Variants in CFB observed in about 807,000 individuals in gnomAD.
The protein encoded by CFB is B-factor, properdin.
A neutral mutation model predicts 97.2 loss-of-function variants in CFB; 59 were observed. The observed-to-expected ratio is 0.61, with a 90% CI of 0.49 to 0.75. The LOEUF (loss-of-function observed/expected upper bound fraction) is 0.75. Among genes scored for constraint, CFB ranks in the 30% least tolerant of loss-of-function variants. The pLI, the probability that CFB is intolerant of heterozygous loss-of-function variation, is 0.00. For missense variants in CFB, 771 were observed against 959.8 expected (o/e 0.80, Z 2.60); for synonymous variants, 316 against 351.7 (o/e 0.90, Z 1.14).
Position 31,948,512 on chromosome 6 carries a change from G to C in CFB, c.1036G>C (p.Asp346His). The C allele has an allele frequency of 6.2e-7, 1 of 1,614,148 alleles. No individual in the cohort carries two copies. Among genetic ancestry groups the C allele is most frequent in the Non-Finnish European group, 8.5e-7 (1 of 1,180,042 alleles). Residue 346 changes from aspartate to histidine, a missense_variant and splice_region_variant, in exon 7 of 18, where the codon GAC (aspartate) becomes CAC (histidine). By Grantham distance (81) the Asp-to-His change is moderately conservative. Transcript: ENST00000425368. ...GCAGCTCAATGAAATCAATTATGAAGGTCAGAGGTTAGGGAATGGTGGGAG... is the reference window on the plus strand; with the variant it reads ...GCAGCTCAATGAAATCAATTATGAACGTCAGAGGTTAGGGAATGGTGGGAG... The part of the protein sequence containing the change: ...TKQLNEINYE[D>H]HKLKSGTNTK...
Position 31,951,903 on chromosome 6 carries a change from A to T in CFB, c.2168A>T (p.Asp723Val). 6.2e-7 allele frequency: 1 copy of T among 1,613,114 alleles called. No homozygotes were observed. Among genetic ancestry groups the T allele is most frequent in the Non-Finnish European group, 8.5e-7 (1 of 1,180,024 alleles). The part of the protein sequence containing the change: ...QVGVISWGVV[D>V]VCKNQKRQKQ... ...GGTGTAATCAGCTGGGGAGTAGTGG[A>T]TGTCTGCAAAAACCAGAAGCGGCAA... Residue 723 changes from aspartate (D) to valine (V), a missense_variant, in exon 18 of 18, where the codon GAT becomes GTT. Coordinates refer to ENST00000425368, the MANE Select transcript of CFB (RefSeq NM_001710.6). The surrounding 1 kb of genome is among the most constrained non-coding windows in gnomAD (Gnocchi z 4.3).
At chr6:31,948,546 T>C in intron 7 of CFB, 34 bp downstream of exon 7, 8 of 1,613,500 alleles carry the variant, frequency 5.0e-6, no homozygotes, top group Non-Finnish European at 6.8e-6. Context: ...AGGTTCACTT[T>C]GGGGTCAGGA....
At chr6:31,949,861 G>C (rs973573691) in intron 10 of CFB, 189 bp from the exon 11 acceptor site, 3 of 722,980 alleles carry the variant, frequency 4.1e-6, no homozygotes, top group Non-Finnish European at 7.2e-6. Context: ...GCCTCTGACA[G>C]CTTGATCCCA....
rs558955656 is a variant in CFB at position 31,947,925 on chromosome 6, G to A, written c.761-20G>A. On this transcript the variant is annotated intron_variant, in intron 5 of 17. Coordinates refer to ENST00000425368, the MANE Select transcript of CFB (RefSeq NM_001710.6). This position sits in a 1 kb window ranked among gnomAD's most constrained non-coding sequence, Gnocchi z 5.3. ...CAGAACTGTTAATGCTGGAGCCTGA[G>A]CCACTCTCCTGGCACCCAGGGGAAC... 6.2e-6 allele frequency: 10 copies of A among 1,614,222 alleles called. No homozygotes were observed. The Admixed American group carries it at 1.5e-4, about 24-fold the overall frequency.
In CFB at chr6:31,946,432, G is replaced by A. The variant is rs1252302409; in HGVS notation, c.124G>A (p.Val42Ile). ...CCAGGGATCCTGCTCTCTGGAGGGG[G>A]TAGAGATCAAAGGCGGCTCCTTCCG... ...RPQGSCSLEG[V>I]EIKGGSFRLL... Residue 42 changes from valine to isoleucine, a missense_variant, in exon 2 of 18, where the codon GTA becomes ATA. Coordinates refer to ENST00000425368, the MANE Select transcript of CFB (RefSeq NM_001710.6). The surrounding 1 kb of genome is among the most constrained non-coding windows in gnomAD (Gnocchi z 6.4). 1.2e-6 allele frequency: 2 copies of A among 1,613,080 alleles called. No individual in the cohort carries two copies. Among genetic ancestry groups the A allele is most frequent in the Non-Finnish European group, 1.7e-6 (2 of 1,180,036 alleles).
rs1394201022 is a variant in CFB, at chr6:31,946,507, T to C, written c.199T>C (p.Tyr67His). ...ALEYVCPSGFYPYPVQTRTCR... is the reference protein window; with the variant it reads ...ALEYVCPSGFHPYPVQTRTCR... ...GGAGTACGTGTGTCCTTCTGGCTTC[T>C]ACCCGTACCCTGTGCAGACACGTAC... The change falls in exon 2 of 18, where the codon TAC becomes CAC. Residue 67 changes from tyrosine to histidine, a missense_variant. Tyr to His is a moderately conservative substitution (Grantham distance 83). Transcript: ENST00000425368. This position sits in a 1 kb window ranked among gnomAD's most constrained non-coding sequence, Gnocchi z 6.4. 1.2e-6 allele frequency: 2 copies of C among 1,613,070 alleles called. No individual in the cohort carries two copies. Among genetic ancestry groups the C allele is most frequent in the Non-Finnish European group, 1.7e-6 (2 of 1,180,038 alleles).
Position 31,948,530 on chromosome 6 carries a change from G to C in CFB, c.1036+18G>C. 3 of 1,613,950 alleles carry C rather than the reference G, an allele frequency of 1.9e-6. No homozygotes were observed. Among genetic ancestry groups the C allele is most frequent in the Non-Finnish European group, 2.5e-6 (3 of 1,180,040 alleles). On this transcript the variant is annotated intron_variant, in intron 7 of 17. Coordinates refer to ENST00000425368, the MANE Select transcript of CFB (RefSeq NM_001710.6). ...TTATGAAGGTCAGAGGTTAGGGAAT[G>C]GTGGGAGGTTCACTTTGGGGTCAGG...
chr6:31,946,248 C>T lies in CFB; in HGVS notation c.27C>T (p.Leu9=). MGSNLSPQ[L]CLMPFILGLL... is the part of the protein sequence containing the mutation. ...TGGGGAGCAATCTCAGCCCCCAACT[C>T]TGCCTGATGCCCTTTATCTTGGGCC... The change falls in exon 1 of 18, where the codon CTC becomes CTT. Residue 9 remains leucine, a synonymous_variant. Coordinates refer to ENST00000425368, the MANE Select transcript of CFB (RefSeq NM_001710.6). This position sits in a 1 kb window ranked among gnomAD's most constrained non-coding sequence, Gnocchi z 6.4. 1 of 1,613,120 alleles carries T rather than the reference C, an allele frequency of 6.2e-7. No homozygotes were observed. Among genetic ancestry groups the T allele is most frequent in the Non-Finnish European group, 8.5e-7 (1 of 1,180,028 alleles).
chr6:31,950,808 A>G (rs897490948), intron 13 of CFB, 36 bp downstream of exon 13: 1 of 1,613,066 alleles, frequency 6.2e-7, no homozygotes, highest in Non-Finnish European at 8.5e-7. Context: ...AAGGCTGGGA[A>G]AGGCTGGAGG....
chr6:31,951,840 A>G lies in CFB; in HGVS notation c.2140-35A>G. ...CCATGCTTCCAGGATTAGGAATTCT[A>G]CTGAATGATCCATGGCACCCCACTG... is the stretch of plus-strand genomic sequence containing the variant. On this transcript the variant is annotated intron_variant, in intron 17 of 17. Transcript: ENST00000425368. The surrounding 1 kb of genome is among the most constrained non-coding windows in gnomAD (Gnocchi z 4.3). 1.2e-6 allele frequency: 2 copies of G among 1,613,080 alleles called. No homozygotes were observed. Among genetic ancestry groups the G allele is most frequent in the Non-Finnish European group, 1.7e-6 (2 of 1,179,998 alleles).
Position 31,947,704 on chromosome 6 carries a change from C to G in CFB, c.659-38C>G, listed in dbSNP as rs749196278. ...GTCTCTTTGGTCACTGTATCCCTGA[C>G]ACTCCCAGACATTTGACCTCATTTC... On this transcript the variant is annotated intron_variant, in intron 4 of 17. Coordinates refer to ENST00000425368, the MANE Select transcript of CFB (RefSeq NM_001710.6). The surrounding 1 kb of genome is among the most constrained non-coding windows in gnomAD (Gnocchi z 5.3). The G allele has an allele frequency of 2.2e-5, 35 of 1,604,688 alleles. No individual in the cohort carries two copies. Among genetic ancestry groups the G allele is most frequent in the Non-Finnish European group, 2.7e-5 (32 of 1,172,598 alleles).
chr6:31,950,785 A>G lies in CFB; in HGVS notation c.1778+13A>G, dbSNP rs540248609. 37 of 1,613,126 alleles carry G rather than the reference A, an allele frequency of 2.3e-5. No individual in the cohort carries two copies. The East Asian group carries it at 3.6e-4, about 16-fold the overall frequency. ...GCCAGACTATCAGGTGAGAGCGTCC[A>G]GATCCCTGAGGAAAGGCTGGGAAAG... is the stretch of plus-strand genomic sequence containing the variant. On this transcript the variant is annotated intron_variant, in intron 13 of 17. Transcript: ENST00000425368.
Position 31,949,337 on chromosome 6 carries a change from T to C in CFB, c.1263T>C (p.Asp421=). The change falls in exon 9 of 18, where the codon GAT becomes GAC. Residue 421 remains aspartate, a synonymous_variant. Transcript: ENST00000425368. ...IGKDRKNPRE[D]YLDVYVFGVG... ...AGGATCGCAAAAACCCAAGGGAGGA[T>C]TATCTGGGTGAGTAACCTGCCTAGG... 1 of 1,614,158 alleles carries C rather than the reference T, an allele frequency of 6.2e-7. No individual in the cohort carries two copies. The highest frequency in any genetic ancestry group is 8.5e-7 in the Non-Finnish European group (1 of 1,180,014).
Position 31,947,999 on chromosome 6 carries a change from A to G in CFB, c.815A>G (p.Tyr272Cys). 4 of 1,614,170 alleles carry G rather than the reference A, an allele frequency of 2.5e-6. No homozygotes were observed. The highest frequency in any genetic ancestry group is 1.7e-6 in the Non-Finnish European group (2 of 1,180,034). The change falls in exon 6 of 18, where the codon TAC becomes TGC. Residue 272 changes from tyrosine to cysteine, a missense_variant. Physicochemically the swap from Tyr to Cys is radical, Grantham distance 194. Transcript: ENST00000425368. This position sits in a 1 kb window ranked among gnomAD's most constrained non-coding sequence, Gnocchi z 5.3. ...VLDPSGSMNI[Y>C]LVLDGSDSIG... Reference sequence around the variant, plus strand: ...GACCCTTCAGGCTCCATGAACATCTACCTGGTGCTAGATGGATCAGACAGC... The same window carrying G: ...GACCCTTCAGGCTCCATGAACATCTGCCTGGTGCTAGATGGATCAGACAGC...
At position 31,951,415 on chromosome 6, in the gene CFB, C is replaced by G. The variant is rs1389386868; in HGVS notation, c.2031C>G (p.Thr677=). Residue 677 remains threonine, a synonymous_variant, in exon 16 of 18, where the codon ACC becomes ACG. Transcript: ENST00000425368. This position sits in a 1 kb window ranked among gnomAD's most constrained non-coding sequence, Gnocchi z 4.3. ...TCAAGGACATCTCAGAGGTGGTCAC[C>G]CCTCGGTTCCTTTGTACTGGAGGAG... The part of the protein sequence containing the change: ...DKVKDISEVV[T]PRFLCTGGVS... 6.2e-7 allele frequency: 1 copy of G among 1,614,192 alleles called. No homozygotes were observed. The highest frequency in any genetic ancestry group is 1.7e-5 in the Admixed American group (1 of 60,028).
Position 31,949,573 on chromosome 6 carries a change from G to A in CFB, c.1408+16G>A, listed in dbSNP as rs763203627. ...CAAATGATCGGTAGGGAGATACAAG[G>A]GAATAAAGAACACAACTCTCCTCAG... On this transcript the variant is annotated intron_variant, in intron 10 of 17. Coordinates refer to ENST00000425368, the MANE Select transcript of CFB (RefSeq NM_001710.6). 1.2e-6 allele frequency: 2 copies of A among 1,612,700 alleles called. No homozygotes were observed. The highest frequency in any genetic ancestry group is 2.2e-5 in the South Asian group (2 of 91,046).
Position 31,947,707 on chromosome 6 carries a change from T to G in CFB, c.659-35T>G. 1 of 1,607,416 alleles carries G rather than the reference T, an allele frequency of 6.2e-7. No individual in the cohort carries two copies. The highest frequency in any genetic ancestry group is 8.5e-7 in the Non-Finnish European group (1 of 1,175,006). On this transcript the variant is annotated intron_variant, in intron 4 of 17. Transcript: ENST00000425368. The surrounding 1 kb of genome is among the most constrained non-coding windows in gnomAD (Gnocchi z 5.3). ...TCTTTGGTCACTGTATCCCTGACAC[T>G]CCCAGACATTTGACCTCATTTCTGA...
chr6:31,946,542 T>C lies in CFB; in HGVS notation c.234T>C (p.Ser78=), dbSNP rs1771434492. 6.2e-7 allele frequency: 1 copy of C among 1,612,804 alleles called. No individual in the cohort carries two copies. Among genetic ancestry groups the C allele is most frequent in the Non-Finnish European group, 8.5e-7 (1 of 1,180,036 alleles). ...PYPVQTRTCR[S]TGSWSTLKTQ... is the part of the protein sequence containing the mutation. ...CTGTGCAGACACGTACCTGCAGATCTACGGGGTCCTGGAGCACCCTGAAGA... is the reference window on the plus strand; with the variant it reads ...CTGTGCAGACACGTACCTGCAGATCCACGGGGTCCTGGAGCACCCTGAAGA... Residue 78 remains serine (S), a synonymous_variant, in exon 2 of 18, where the codon TCT becomes TCC. Transcript: ENST00000425368. The surrounding 1 kb of genome is among the most constrained non-coding windows in gnomAD (Gnocchi z 6.4).
rs146976271 is a variant in CFB at position 31,950,105 on chromosome 6, C to T, written c.1464C>T (p.Thr488=). The change falls in exon 11 of 18, where the codon ACC becomes ACT. Residue 488 remains threonine, a synonymous_variant. Transcript: ENST00000425368. The stretch of plus-strand genomic sequence containing the variant: ...TGGTTTGGGAACACAGGAAGGGTAC[C>T]GATTACCACAAGCAACCATGGCAGG... The part of the protein sequence containing the change: ...CGMVWEHRKG[T]DYHKQPWQAK... 24 of 1,612,998 alleles carry T rather than the reference C, an allele frequency of 1.5e-5. 1 individual carries two copies. The highest frequency in any genetic ancestry group is 9.3e-5 in the African/African-American group (7 of 75,014).
Sources: gnomAD v4.1 joint callset for allele counts on GRCh38, gnomAD v4.1.1 for gene constraint, Gnocchi (gnomAD v3.1) non-coding constraint, MANE v1.5 for transcripts, NCBI Gene and HGNC (gene_info 2026-07-23, HGNC 2026-07-21) for gene names.